RBFOX1: variants seen among roughly 807,000 people sequenced by gnomAD.
The protein encoded by RBFOX1 is RNA binding fox-1 homolog 1, also known as RNA binding protein fox-1 homolog 1.
A neutral mutation model predicts 57.7 loss-of-function variants in RBFOX1; 8 were observed. The ratio of observed to expected loss-of-function variants is 0.14; its 90% CI spans 0.08 to 0.25. The LOEUF (loss-of-function observed/expected upper bound fraction) is 0.25, where lower values mean the gene tolerates loss of function less well. Among genes scored for constraint, RBFOX1 ranks in the 10% least tolerant of loss-of-function variants. The pLI, the probability that RBFOX1 is intolerant of heterozygous loss-of-function variation, is 1.00. For synonymous variants in RBFOX1, 326 were observed against 222.4 expected, an observed-to-expected ratio of 1.47 and a Z score of -4.15; for missense variants, 611 against 548.5, an observed-to-expected ratio of 1.11 and a Z score of -1.14.
At position 6,149,218 on chromosome 16, in the gene RBFOX1, T is replaced by TGTGCGCGCGC. The variant is rs1329821441; in HGVS notation, c.-127+129234_-127+129243dup. On this transcript the variant is annotated intron_variant, in intron 1 of 15. Transcript: ENST00000550418. ...AGTTCTTTGTGTGTGTATGTGTGTG[T>TGTGCGCGCGC]GTGCGCGCGCGTGCGCGGATGTGTG... is the stretch of plus-strand genomic sequence containing the variant. 9.8e-5 allele frequency among the ~76,000 whole-genome samples: 15 copies of TGTGCGCGCGC among 152,376 alleles called. No individual in the cohort carries two copies. In the East Asian group the frequency reaches 2.1e-3, roughly 22 times the overall value.
intron 3 of RBFOX1, among the ~76,000 whole-genome samples, chr16:6,904,195 T>G (rs1287386700): frequency 1.3e-5 from 2 of 152,220 alleles, no homozygotes; most frequent in Non-Finnish European, 2.9e-5. Context: ...AACACCATCT[T>G]AACACATTGC....
At chr16:5,804,027 T>C (rs2055148319) in intron 3 of RBFOX1, among the ~76,000 whole-genome samples, 2 of 152,172 alleles carry the variant, frequency 1.3e-5, no homozygotes. Context: ...CTTGCCACAG[T>C]ATTAAAGATG....
intron 3 of RBFOX1, among the ~76,000 whole-genome samples, chr16:5,712,488 A>G (rs1457994442): frequency 1.3e-5 from 2 of 152,214 alleles, no homozygotes; most frequent in African/African-American, 4.8e-5. Flanking sequence ...ATGAATTCTT[A>G]TCTCAAGAGC....
At chr16:6,181,948 G>T (rs2097066675) in intron 1 of RBFOX1, among the ~76,000 whole-genome samples, 1 of 152,096 alleles carries the variant, frequency 6.6e-6, no homozygotes, top group Admixed American at 6.6e-5. Context: ...GAGATCATTG[G>T]CAATTACGGA....
At chr16:5,864,721 A>C (rs932479542) in intron 3 of RBFOX1, among the ~76,000 whole-genome samples, 18 of 152,108 alleles carry the variant, frequency 1.2e-4, no homozygotes, top group African/African-American at 3.6e-4. Context: ...AAGATCAGAA[A>C]CTGGAAGTCC....
intron 2 of RBFOX1, among the ~76,000 whole-genome samples, chr16:6,448,403 C>T (rs200909132): frequency 9.2e-5 from 14 of 152,018 alleles, no homozygotes; most frequent in Admixed American, 1.3e-4. Context: ...GTGATCTGCC[C>T]GCCTTGGCCT....
chr16:7,134,206 T>C (rs932737102), intron 4 of RBFOX1, among the ~76,000 whole-genome samples: 3 of 152,280 alleles, frequency 2.0e-5, no homozygotes, highest in African/African-American at 7.2e-5. Flanking sequence ...ATGAAATTTA[T>C]TGAGATTTTT....
At chr16:7,000,923 T>A (rs2092733599) in intron 3 of RBFOX1, among the ~76,000 whole-genome samples, 1 of 152,148 alleles carries the variant, frequency 6.6e-6, no homozygotes, top group South Asian at 2.1e-4. Flanking sequence ...AATTTTCTTG[T>A]TTACTTCCAT....
At chr16:7,443,628 TAA>T (rs1339732508) in intron 4 of RBFOX1, among the ~76,000 whole-genome samples, 1 of 152,190 alleles carries the variant, frequency 6.6e-6, no homozygotes, top group Non-Finnish European at 1.5e-5. Context: ...TGTAATAATG[TAA>T]AAAAGTGCAG....
chr16:6,639,971 C>G (rs1363453446), intron 2 of RBFOX1, among the ~76,000 whole-genome samples: 1 of 152,158 alleles, frequency 6.6e-6, no homozygotes, highest in Non-Finnish European at 1.5e-5. Context: ...CTCTGTATAG[C>G]TTATCTCAGT....
intron 4 of RBFOX1, among the ~76,000 whole-genome samples, chr16:7,184,481 C>A (rs1280192991): frequency 1.3e-5 from 2 of 152,208 alleles, no homozygotes; most frequent in East Asian, 3.8e-4. Flanking sequence ...CATGTTTTTA[C>A]CTCCTCTGAC....
At chr16:5,431,535 C>T (rs551463309) in intron 1 of RBFOX1, among the ~76,000 whole-genome samples, 6 of 152,084 alleles carry the variant, frequency 3.9e-5, no homozygotes, top group South Asian at 2.1e-4. Context: ...CCACCATGCC[C>T]GGCTAGTTGT....
intron 1 of RBFOX1, among the ~76,000 whole-genome samples, chr16:5,308,324 C>T (rs1255816937): frequency 3.0e-5 from 3 of 98,936 alleles, no homozygotes; most frequent in Admixed American, 1.3e-4. Flanking sequence ...GAGGCTCTGT[C>T]TAAAAAAAAA....
At chr16:6,777,764 A>G (rs74007033) in intron 3 of RBFOX1, among the ~76,000 whole-genome samples, 2,440 of 152,238 alleles carry the variant, frequency 0.016, 85 homozygotes, top group African/African-American at 0.056. Flanking sequence ...AGGAAGTTGA[A>G]TATGATGAGA....
At chr16:6,726,966 A>C (rs1603464775) in intron 3 of RBFOX1, among the ~76,000 whole-genome samples, 1 of 151,516 alleles carries the variant, frequency 6.6e-6, no homozygotes. Context: ...CCTATGTGCT[A>C]CCCAGAGACT....
chr16:5,345,009 G>T (rs1292474346), intron 1 of RBFOX1, among the ~76,000 whole-genome samples: 1 of 152,202 alleles, frequency 6.6e-6, no homozygotes, highest in African/African-American at 2.4e-5. Flanking sequence ...CCTGCCCTTT[G>T]CAGGCACCAC....
intron 3 of RBFOX1, among the ~76,000 whole-genome samples, chr16:6,756,077 A>G (rs1399502518): frequency 6.6e-6 from 1 of 152,192 alleles, no homozygotes; most frequent in Non-Finnish European, 1.5e-5. Flanking sequence ...ATTGGCAGCA[A>G]AACCCTTTTT....
At chr16:5,635,342 C>A (rs1008162116) in intron 3 of RBFOX1, among the ~76,000 whole-genome samples, 3 of 152,184 alleles carry the variant, frequency 2.0e-5, no homozygotes, top group Non-Finnish European at 4.4e-5. Context: ...AGCCTCCTAG[C>A]CTGTCCCTCT....
At chr16:6,939,875 T>C (rs767618107) in intron 3 of RBFOX1, among the ~76,000 whole-genome samples, 1 of 152,228 alleles carries the variant, frequency 6.6e-6, no homozygotes, top group Non-Finnish European at 1.5e-5. Flanking sequence ...CTCTTTGTAA[T>C]TTACTGCATA....
Sources: allele counts gnomAD v4.1 joint callset (sites outside exome capture counted in the v4.1 genomes callset), GRCh38; gene constraint gnomAD v4.1.1; transcripts MANE v1.5; gene names NCBI Gene and HGNC (gene_info 2026-07-23, HGNC 2026-07-21).